The following PAPPA2 variants were observed in gnomAD, a reference collection of about 807,000 sequenced individuals.
The protein encoded by PAPPA2 is pappalysin 2.
PAPPA2 carries 86 observed loss-of-function variants against 176.4 expected under a neutral mutation model. The observed-to-expected ratio is 0.49, with a 90% CI of 0.41 to 0.58. The LOEUF (loss-of-function observed/expected upper bound fraction) is 0.58. Ranked by LOEUF, PAPPA2 falls within the 20% of genes least tolerant of loss-of-function variation. The pLI, the probability that PAPPA2 is intolerant of heterozygous loss-of-function variation, is 0.00. For missense variants in PAPPA2, 2,073 were observed against 2,256.9 expected (o/e 0.92, Z 1.65); for synonymous variants, 809 against 852.2 (o/e 0.95, Z 0.88).
chr1:176,466,409 CTAATTTA>C (rs1233029948), intron 1 of PAPPA2, among the ~76,000 whole-genome samples: 1 of 152,072 alleles, frequency 6.6e-6, no homozygotes, highest in Non-Finnish European at 1.5e-5. Flanking sequence ...CCTTCCAATT[CTAATTTA>C]TGAGTAGTTA....
chr1:176,712,860 T>C (rs1661205713), intron 12 of PAPPA2, among the ~76,000 whole-genome samples: 3 of 152,198 alleles, frequency 2.0e-5, no homozygotes, highest in Admixed American at 1.3e-4. Context: ...TCCATTTTAA[T>C]GTTTTGTTGT....
At chr1:176,518,013 G>A (rs747328531) in intron 1 of PAPPA2, among the ~76,000 whole-genome samples, 3 of 152,128 alleles carry the variant, frequency 2.0e-5, no homozygotes, top group Non-Finnish European at 2.9e-5. Context: ...CAAAGGGCTC[G>A]AATAGAACTT....
chr1:176,706,812 G>C (rs952843355), intron 10 of PAPPA2, among the ~76,000 whole-genome samples: 2 of 152,124 alleles, frequency 1.3e-5, no homozygotes, highest in Non-Finnish European at 2.9e-5. Context: ...CCAGGGTAAC[G>C]CCAATATGTC....
intron 14 of PAPPA2, among the ~76,000 whole-genome samples, chr1:176,743,596 G>A (rs1231464304): frequency 2.0e-5 from 3 of 152,166 alleles, no homozygotes; most frequent in East Asian, 3.8e-4. Context: ...ATGGCTTTGG[G>A]AAGTGGAAAC....
At chr1:176,695,126 G>A (rs185874981) in intron 6 of PAPPA2, among the ~76,000 whole-genome samples, 8 of 152,278 alleles carry the variant, frequency 5.3e-5, no homozygotes, top group Admixed American at 1.3e-4. Context: ...TGTTCATTGC[G>A]CTGGAAATAT....
At chr1:176,667,895 T>C (rs1658759062) in intron 3 of PAPPA2, among the ~76,000 whole-genome samples, 1 of 152,160 alleles carries the variant, frequency 6.6e-6, no homozygotes, top group South Asian at 2.1e-4. Context: ...ACACTTTTAC[T>C]TTGTTTAGTT....
At chr1:176,642,074 C>T (rs1156485023) in intron 3 of PAPPA2, among the ~76,000 whole-genome samples, 1 of 151,700 alleles carries the variant, frequency 6.6e-6, no homozygotes, top group Non-Finnish European at 1.5e-5. Context: ...ATTTTAAGTC[C>T]CAGTGAAAGA....
At chr1:176,829,540 A>G (rs1449967362) in intron 21 of PAPPA2, among the ~76,000 whole-genome samples, 1 of 152,188 alleles carries the variant, frequency 6.6e-6, no homozygotes, top group Non-Finnish European at 1.5e-5. Context: ...CCTCCCATGA[A>G]CTGAATGCTG....
chr1:176,634,947 GTAGA>G (rs60518024), intron 3 of PAPPA2, among the ~76,000 whole-genome samples: 3,757 of 144,640 alleles, frequency 0.026, 139 homozygotes, highest in African/African-American at 0.081. Flanking sequence ...TAGATGATAG[GTAGA>G]TAGATAGATA....
At chr1:176,803,224 T>A (rs1325597) in intron 21 of PAPPA2, among the ~76,000 whole-genome samples, 1 of 152,034 alleles carries the variant, frequency 6.6e-6, no homozygotes, top group Admixed American at 6.5e-5. Flanking sequence ...GGGAACTGGG[T>A]CAACAAAGCT....
chr1:176,695,966 ATGTGTGTGTGTGTGTGTGTG>A (rs67178111), intron 7 of PAPPA2, 107 bp downstream of exon 7: 234,583 of 864,804 alleles, frequency 0.27, 19,241 homozygotes, highest in Middle Eastern at 0.33. Flanking sequence ...ATGTATGTGT[ATGTGTGTGTGTGTGTGTGTG>A]TGTGTGTGTG....
At chr1:176,549,422 A>G (rs1004579923) in intron 1 of PAPPA2, among the ~76,000 whole-genome samples, 6 of 152,254 alleles carry the variant, frequency 3.9e-5, no homozygotes, top group Non-Finnish European at 8.8e-5. Flanking sequence ...TGGGCTGAAA[A>G]ATAAGAGAAT....
intron 3 of PAPPA2, among the ~76,000 whole-genome samples, chr1:176,611,358 C>T (rs2102678048): frequency 6.6e-6 from 1 of 152,232 alleles, no homozygotes; most frequent in East Asian, 1.9e-4. Flanking sequence ...AACAAGGTAG[C>T]ATTATGGGGC....
chr1:176,593,248 C>G (rs1653766474), intron 2 of PAPPA2, among the ~76,000 whole-genome samples: 1 of 152,186 alleles, frequency 6.6e-6, no homozygotes. Context: ...TAGGAAGCCT[C>G]ATGGCTTATA....
chr1:176,587,570 T>C (rs965942935), intron 2 of PAPPA2, among the ~76,000 whole-genome samples: 2 of 152,234 alleles, frequency 1.3e-5, no homozygotes, highest in Non-Finnish European at 2.9e-5. Context: ...TCCCTGTTTT[T>C]GACAGGTTTG....
At chr1:176,481,956 C>T (rs1317041161) in intron 1 of PAPPA2, among the ~76,000 whole-genome samples, 1 of 152,168 alleles carries the variant, frequency 6.6e-6, no homozygotes, top group African/African-American at 2.4e-5. Flanking sequence ...AAGTGATCCA[C>T]CTGCCTCAGC....
chr1:176,530,184 T>C (rs892738002), intron 1 of PAPPA2, among the ~76,000 whole-genome samples: 3 of 152,192 alleles, frequency 2.0e-5, no homozygotes, highest in African/African-American at 7.2e-5. Flanking sequence ...CAGGGAGACA[T>C]GATTTTCCCA....
intron 2 of PAPPA2, among the ~76,000 whole-genome samples, chr1:176,587,906 A>G (rs1264141626): frequency 2.0e-5 from 3 of 152,230 alleles, no homozygotes; most frequent in Admixed American, 6.5e-5. Flanking sequence ...ATAAACTTTA[A>G]AAAAAGAAAT....
chr1:176,830,767 T>A (rs1449914851), intron 21 of PAPPA2, among the ~76,000 whole-genome samples: 2 of 152,212 alleles, frequency 1.3e-5, no homozygotes, highest in African/African-American at 4.8e-5. Flanking sequence ...GGTCTGATGG[T>A]ATGTCATTAT....
Sources: gnomAD v4.1 joint callset for allele counts (sites outside exome capture counted in the v4.1 genomes callset) on GRCh38, gnomAD v4.1.1 for gene constraint, MANE v1.5 for transcripts, NCBI Gene and HGNC (gene_info 2026-07-23, HGNC 2026-07-21) for gene names.